Variants in DYSF observed in about 807,000 individuals in gnomAD.
The protein encoded by DYSF is dystrophy-associated fer-1-like 1.
In DYSF, 212 loss-of-function variants were observed where a neutral mutation model predicts 274.9. The observed-to-expected ratio is 0.77, with a 90% CI of 0.69 to 0.86. The LOEUF is 0.86. DYSF is among the 40% of genes least tolerant of loss of function. DYSF has a pLI of 0.00. For missense variants in DYSF, 2,666 were observed against 2,783.2 expected (o/e 0.96, Z 0.95); for synonymous variants, 1,091 against 1,078.7 (o/e 1.01, Z -0.22).
intron 29 of DYSF, among the ~76,000 whole-genome samples, chr2:71,571,229 GCA>G (rs1559188887): frequency 8.1e-6 from 1 of 122,766 alleles, no homozygotes; most frequent in East Asian, 2.5e-4. Context: ...TTCACACTCA[GCA>G]CACACAGATC....
At chr2:71,632,110 G>C (rs1052746929) in intron 41 of DYSF, among the ~76,000 whole-genome samples, 4 of 152,174 alleles carry the variant, frequency 2.6e-5, no homozygotes, top group Non-Finnish European at 4.4e-5. Flanking sequence ...ATAGGCAACT[G>C]TCTCTGAGGT....
At chr2:71,670,399 G>T (rs955007213) in intron 51 of DYSF, among the ~76,000 whole-genome samples, 1 of 152,216 alleles carries the variant, frequency 6.6e-6, no homozygotes, top group Non-Finnish European at 1.5e-5. Flanking sequence ...GGCCAGTCTG[G>T]CCTATAGATC....
chr2:71,597,616 A>T (rs892634580), intron 32 of DYSF, among the ~76,000 whole-genome samples: 12 of 152,114 alleles, frequency 7.9e-5, no homozygotes, highest in African/African-American at 2.9e-4. Context: ...CATTTTCAGA[A>T]CCACTGCCCT....
chr2:71,526,416 GATGGC>G, intron 13 of DYSF, 70 bp downstream of exon 13: 37 of 513,618 alleles, frequency 7.2e-5, no homozygotes, highest in Non-Finnish European at 1.1e-4. Context: ...GGGGGTGGGC[GATGGC>G]GGGCGGGGTC....
intron 41 of DYSF, among the ~76,000 whole-genome samples, chr2:71,624,287 A>G (rs2152900391): frequency 6.6e-6 from 1 of 152,346 alleles, no homozygotes; most frequent in South Asian, 2.1e-4. Context: ...TTGTTGGCAG[A>G]CAGGACAGAC....
At chr2:71,674,397 G>C in intron 52 of DYSF, 101 bp downstream of exon 52, 1 of 1,158,306 alleles carries the variant, frequency 8.6e-7, no homozygotes, top group South Asian at 1.3e-5. Flanking sequence ...AGCCTAGCAG[G>C]AGGAGTGATC....
chr2:71,599,749 T>C (rs1178983388), intron 33 of DYSF, among the ~76,000 whole-genome samples: 1 of 152,142 alleles, frequency 6.6e-6, no homozygotes, highest in African/African-American at 2.4e-5. Context: ...TTGGAAGACA[T>C]TGTCAGTAAG....
intron 52 of DYSF, among the ~76,000 whole-genome samples, chr2:71,678,605 A>C (rs1021368564): frequency 6.6e-6 from 1 of 152,136 alleles, no homozygotes; most frequent in Non-Finnish European, 1.5e-5. Flanking sequence ...TAGAAATAGT[A>C]GTGATGGTTG....
rs772485165 is a variant in DYSF at position 71,668,853 on chromosome 2, C to T, written c.5546+11C>T. On this transcript the variant is annotated intron_variant, in intron 49 of 55. Coordinates refer to ENST00000410020, the MANE Select transcript of DYSF (RefSeq NM_001130987.2). ...ACGGAGAGCCAGAAGGTGACTTGCC[C>T]AGCCACAGGCTCTGAGCTGGGCTGA... 72 of 1,611,810 alleles carry T rather than the reference C, an allele frequency of 4.5e-5. No individual in the cohort carries two copies. The highest frequency in any genetic ancestry group is 5.9e-5 in the Non-Finnish European group (70 of 1,179,122).
intron 3 of DYSF, among the ~76,000 whole-genome samples, chr2:71,498,025 T>C (rs2084586511): frequency 6.6e-6 from 1 of 152,108 alleles, no homozygotes; most frequent in African/African-American, 2.4e-5. Context: ...TTTGGGGAGA[T>C]CCTTTAGACC....
intron 32 of DYSF, 96 bp from the exon 33 acceptor site, chr2:71,598,468 C>A: frequency 6.8e-7 from 1 of 1,459,986 alleles, no homozygotes; most frequent in Non-Finnish European, 9.4e-7. Flanking sequence ...AGCCACAACC[C>A]TGCTCCAGCT....
chr2:71,664,095 C>G (rs2152950397), intron 45 of DYSF, among the ~76,000 whole-genome samples, 173 bp from the exon 46 acceptor site: 1 of 152,322 alleles, frequency 6.6e-6, no homozygotes, highest in South Asian at 2.1e-4. Context: ...CCCCTTCCCC[C>G]TACACACACA....
chr2:71,652,927 C>CA (rs2094691489), intron 42 of DYSF, among the ~76,000 whole-genome samples: 1 of 152,074 alleles, frequency 6.6e-6, no homozygotes, highest in African/African-American at 2.4e-5. Context: ...AACCATTTAG[C>CA]AAAAAATAAA....
chr2:71,530,301 C>T (rs1023560743), intron 14 of DYSF, among the ~76,000 whole-genome samples: 9 of 152,182 alleles, frequency 5.9e-5, no homozygotes, highest in African/African-American at 1.9e-4. Context: ...GTTCTTATTT[C>T]GCATTCCCAA....
chr2:71,620,983 C>A (rs1390290885), intron 41 of DYSF, among the ~76,000 whole-genome samples: 1 of 152,106 alleles, frequency 6.6e-6, no homozygotes, highest in East Asian at 1.9e-4. Flanking sequence ...GGCAGGCTGA[C>A]TTTCTGTGCT....
chr2:71,518,472 G>T (rs2086894042), intron 10 of DYSF, among the ~76,000 whole-genome samples: 1 of 145,028 alleles, frequency 6.9e-6, no homozygotes. Flanking sequence ...TCACCATCTT[G>T]GTCAGTCTGG....
At chr2:71,624,351 AT>A (rs1356995195) in intron 41 of DYSF, among the ~76,000 whole-genome samples, 1 of 152,188 alleles carries the variant, frequency 6.6e-6, no homozygotes, top group African/African-American at 2.4e-5. Context: ...ATTATGTATT[AT>A]TGAGTTAGGT....
At chr2:71,627,560 A>G (rs988078709) in intron 41 of DYSF, among the ~76,000 whole-genome samples, 1 of 152,060 alleles carries the variant, frequency 6.6e-6, no homozygotes, top group African/African-American at 2.4e-5. Flanking sequence ...TATTGTCCAG[A>G]TGTCTTAAAT....
intron 41 of DYSF, among the ~76,000 whole-genome samples, chr2:71,640,920 A>T (rs172910): frequency 0.85 from 129,861 of 152,132 alleles, 55,563 homozygotes; most frequent in Middle Eastern, 0.9. Context: ...TTGGAAGTAG[A>T]TCATTGAGAT....
Sources: allele counts gnomAD v4.1 joint callset (sites outside exome capture counted in the v4.1 genomes callset), GRCh38; gene constraint gnomAD v4.1.1; transcripts MANE v1.5; gene names NCBI Gene and HGNC (gene_info 2026-07-23, HGNC 2026-07-21).